Variants in TFEC observed in about 807,000 individuals in gnomAD.
The protein encoded by TFEC is transcription factor EC, also known as class E basic helix-loop-helix protein 34.
Under a neutral mutation model 41.6 loss-of-function variants are expected in TFEC, and 31 were observed. The ratio of observed to expected loss-of-function variants is 0.74; its 90% CI spans 0.56 to 1.01. The LOEUF (loss-of-function observed/expected upper bound fraction) is 1.01. TFEC is among the 50% of genes least tolerant of loss of function. TFEC has a pLI of 0.00. For missense variants in TFEC, 402 were observed against 404.1 expected, an observed-to-expected ratio of 0.99 and a Z score of 0.04; for synonymous variants, 143 against 140.6, an observed-to-expected ratio of 1.02 and a Z score of -0.12.
intron 3 of TFEC, among the ~76,000 whole-genome samples, chr7:115,965,330 C>G (rs754460885): frequency 6.6e-6 from 1 of 151,590 alleles, no homozygotes; most frequent in Non-Finnish European, 1.5e-5. Flanking sequence ...TACTCTACTA[C>G]TGTGTAAAGA....
chr7:115,975,287 A>G (rs1271890066), intron 2 of TFEC, among the ~76,000 whole-genome samples: 1 of 151,884 alleles, frequency 6.6e-6, no homozygotes, highest in African/African-American at 2.4e-5. Context: ...ATTTAGTTAA[A>G]TTTTTAAATG....
At chr7:116,058,484 A>G (rs145380905) in intron 3 of TFEC, among the ~76,000 whole-genome samples, 1 of 151,768 alleles carries the variant, frequency 6.6e-6, no homozygotes, top group African/African-American at 2.4e-5. Flanking sequence ...ATGATAGAAT[A>G]AAAGGACAGA....
At chr7:116,007,460 A>G (rs892785604) in intron 1 of TFEC, among the ~76,000 whole-genome samples, 2 of 152,212 alleles carry the variant, frequency 1.3e-5, no homozygotes, top group African/African-American at 4.8e-5. Flanking sequence ...GAGTTGTGGA[A>G]TAATGTGGGC....
intron 1 of TFEC, among the ~76,000 whole-genome samples, chr7:116,136,547 GAAGTT>G (rs961644605): frequency 1.1e-4 from 17 of 151,954 alleles, no homozygotes; most frequent in African/African-American, 4.1e-4. Context: ...TAAACAGCTT[GAAGTT>G]AATAATGTAA....
intron 3 of TFEC, among the ~76,000 whole-genome samples, chr7:116,087,236 A>G (rs990898155): frequency 1.1e-4 from 16 of 152,166 alleles, no homozygotes; most frequent in Middle Eastern, 3.4e-3. Flanking sequence ...AATAAACTAT[A>G]TAAAAAACTC....
chr7:116,102,713 C>A (rs1425109291), intron 3 of TFEC, among the ~76,000 whole-genome samples: 1 of 152,150 alleles, frequency 6.6e-6, no homozygotes, highest in East Asian at 1.9e-4. Flanking sequence ...GCAAGTTTTT[C>A]ATTTCATTTA....
chr7:116,142,645 A>C (rs1050126067), intron 1 of TFEC, among the ~76,000 whole-genome samples: 1 of 152,080 alleles, frequency 6.6e-6, no homozygotes, highest in Non-Finnish European at 1.5e-5. Flanking sequence ...GCTTTTTCTC[A>C]TGTGCCCAGA....
intron 3 of TFEC, among the ~76,000 whole-genome samples, chr7:116,046,125 C>T (rs1320904169): frequency 1.3e-5 from 2 of 152,098 alleles, no homozygotes; most frequent in Non-Finnish European, 2.9e-5. Flanking sequence ...TCAGATGAGA[C>T]TTTGGACTGT....
intron 3 of TFEC, among the ~76,000 whole-genome samples, chr7:115,971,531 C>CATAAATCATG (rs1341502243): frequency 8.6e-5 from 13 of 151,872 alleles, no homozygotes; most frequent in Admixed American, 6.6e-5. Flanking sequence ...ACAGAAGCCC[C>CATAAATCATG]ATAAATCATG....
intron 3 of TFEC, among the ~76,000 whole-genome samples, chr7:116,098,867 AAAGGAAGGAAGGAAGGAAGG>A (rs59276209): frequency 2.6e-4 from 30 of 115,112 alleles, no homozygotes; most frequent in African/African-American, 4.1e-4. Flanking sequence ...GAGAGGAAGA[AAAGGAAGGAAGGAAGGAAGG>A]AAGGAAGGAA....
intron 2 of TFEC, among the ~76,000 whole-genome samples, chr7:115,980,899 A>G (rs1793603076): frequency 6.6e-6 from 1 of 152,206 alleles, no homozygotes; most frequent in Non-Finnish European, 1.5e-5. Context: ...TGTTGTTAAT[A>G]TCACTGTTAA....
intron 1 of TFEC, among the ~76,000 whole-genome samples, chr7:116,131,886 T>C (rs1458660918): frequency 1.3e-5 from 2 of 152,174 alleles, no homozygotes; most frequent in African/African-American, 4.8e-5. Flanking sequence ...GATGAGCTTT[T>C]CCCACAGGGG....
chr7:116,024,535 G>C (rs1795516098), intron 1 of TFEC, among the ~76,000 whole-genome samples: 1 of 152,198 alleles, frequency 6.6e-6, no homozygotes, highest in South Asian at 2.1e-4. Flanking sequence ...CAAGAGTCTT[G>C]TCAGACAAAA....
Position 115,936,209 on chromosome 7 carries a change from C to A in TFEC, c.*4342G>T, listed in dbSNP as rs563701399. On this transcript the variant is annotated 3_prime_UTR_variant, in exon 8 of 8. Coordinates refer to ENST00000265440, the MANE Select transcript of TFEC (RefSeq NM_012252.4). ...TGTAACATAGGAGATCAGTAACACTCGAAATGTATTTTGTATTTATTAGGT... is the reference window on the plus strand; with the variant it reads ...TGTAACATAGGAGATCAGTAACACTAGAAATGTATTTTGTATTTATTAGGT... The A allele has an allele frequency of 2.6e-5, 4 of 151,522 alleles. No individual in the cohort carries two copies. Among genetic ancestry groups the A allele is most frequent in the Non-Finnish European group, 5.9e-5 (4 of 67,594 alleles). 9.4% of individuals were successfully genotyped at this position (151,522 alleles called of 1,614,324 possible).
At chr7:116,130,045 A>AACACACAC (rs56872188) in intron 1 of TFEC, among the ~76,000 whole-genome samples, 13,609 of 142,064 alleles carry the variant, frequency 0.096, 656 homozygotes, top group Middle Eastern at 0.13. Flanking sequence ...AACATGCAAG[A>AACACACAC]ACACACACAC....
At chr7:116,112,404 A>G (rs1797874834) in intron 1 of TFEC, among the ~76,000 whole-genome samples, 1 of 151,994 alleles carries the variant, frequency 6.6e-6, no homozygotes, top group Non-Finnish European at 1.5e-5. Context: ...CCTCCCTTCA[A>G]CTAGAATATA....
intron 2 of TFEC, among the ~76,000 whole-genome samples, chr7:116,111,237 C>A (rs1797849110): frequency 6.6e-6 from 1 of 151,774 alleles, no homozygotes; most frequent in African/African-American, 2.4e-5. Flanking sequence ...TGTACAAAGG[C>A]AAGAAAAAAA....
chr7:116,152,844 GC>G (rs1798789141), intron 1 of TFEC, among the ~76,000 whole-genome samples: 1 of 151,930 alleles, frequency 6.6e-6, no homozygotes, highest in Non-Finnish European at 1.5e-5. Context: ...CGATATCCAA[GC>G]AAAAATTATT....
At chr7:115,968,825 TTAAC>T in intron 3 of TFEC, among the ~76,000 whole-genome samples, 1 of 152,018 alleles carries the variant, frequency 6.6e-6, no homozygotes, top group South Asian at 2.1e-4. Flanking sequence ...TTGCCATTCA[TTAAC>T]TATATGAACT....
Sources: gnomAD v4.1 joint callset for allele counts (sites outside exome capture counted in the v4.1 genomes callset) on GRCh38, gnomAD v4.1.1 for gene constraint, MANE v1.5 for transcripts, NCBI Gene and HGNC (gene_info 2026-07-23, HGNC 2026-07-21) for gene names.